The following TTC27 variants were observed in gnomAD, a reference collection of about 807,000 sequenced individuals.
The protein encoded by TTC27 is tetratricopeptide repeat protein 27.
TTC27 carries 79 observed loss-of-function variants against 115.9 expected under a neutral mutation model. The observed-to-expected ratio is 0.68, with a 90% CI of 0.57 to 0.82. The LOEUF (loss-of-function observed/expected upper bound fraction) is 0.82. TTC27 is among the 40% of genes least tolerant of loss of function. The pLI, the probability that TTC27 is intolerant of heterozygous loss-of-function variation, is 0.00. For synonymous variants in TTC27, 401 were observed against 356.0 expected, an observed-to-expected ratio of 1.13 and a Z score of -1.42; for missense variants, 1,054 against 993.1, an observed-to-expected ratio of 1.06 and a Z score of -0.82.
At chr2:32,685,089 G>A (rs1282096282) in intron 9 of TTC27, among the ~76,000 whole-genome samples, 3 of 144,726 alleles carry the variant, frequency 2.1e-5, no homozygotes, top group South Asian at 4.3e-4. Flanking sequence ...GGAGTGCAAT[G>A]GCGCAATCTT....
chr2:32,766,773 A>AT, intron 13 of TTC27, among the ~76,000 whole-genome samples: 1 of 152,182 alleles, frequency 6.6e-6, no homozygotes, highest in East Asian at 1.9e-4. Flanking sequence ...ACTTCACCTC[A>AT]TATTGCTTTA....
Position 32,736,706 on chromosome 2 carries a change from A to G in TTC27, c.1342A>G (p.Ser448Gly). ...PHWAIQRQLA[S>G]LLFELGCTSS... Reference sequence around the variant, plus strand: ...TTGATTTTTCTAGCGCCAACTTGCAAGTTTGCTCTTTGAGTTGGGATGTAC... The same window carrying G: ...TTGATTTTTCTAGCGCCAACTTGCAGGTTTGCTCTTTGAGTTGGGATGTAC... The change falls in exon 12 of 20, where the codon AGT (serine) becomes GGT (glycine). Residue 448 changes from serine (S) to glycine (G), a missense_variant. Ser to Gly is a moderately conservative substitution (Grantham distance 56, BLOSUM62 0). Transcript: ENST00000317907. The G allele has an allele frequency of 6.2e-7, 1 of 1,613,824 alleles. No homozygotes were observed. The highest frequency in any genetic ancestry group is 8.5e-7 in the Non-Finnish European group (1 of 1,179,836).
Position 32,733,971 on chromosome 2 carries a change from A to G in TTC27, c.1329+48A>G. 2.4e-6 allele frequency: 3 copies of G among 1,248,364 alleles called. No homozygotes were observed. In the South Asian group the frequency reaches 3.8e-5, roughly 16 times the overall value. The allele number at this position is 1,248,364 out of a possible 1,614,324, so 77.3% of individuals were successfully genotyped here. A position where few individuals can be genotyped will look rare whatever the true frequency, so the allele number is the denominator to read the frequency against. ...GGTATGGAAATTACTTGGCATTAGA[A>G]AGGTAAATGCATTATAAATTGATGA... On this transcript the variant is annotated intron_variant, in intron 11 of 19. Coordinates refer to ENST00000317907, the MANE Select transcript of TTC27 (RefSeq NM_017735.5).
At chr2:32,795,456 G>A (rs140894213) in intron 16 of TTC27, among the ~76,000 whole-genome samples, 11 of 151,912 alleles carry the variant, frequency 7.2e-5, no homozygotes, top group Non-Finnish European at 1.5e-4. Context: ...AAGCAGCCTC[G>A]ACATAATAAA....
intron 14 of TTC27, among the ~76,000 whole-genome samples, chr2:32,781,798 A>G (rs905524464): frequency 2.0e-5 from 3 of 152,322 alleles, no homozygotes; most frequent in South Asian, 4.1e-4. Flanking sequence ...ATTTAATGCC[A>G]TGGGCAATCA....
At chr2:32,649,981 A>T in intron 4 of TTC27, 150 bp from the exon 5 acceptor site, 1 of 604,808 alleles carries the variant, frequency 1.7e-6, no homozygotes, top group South Asian at 2.2e-5. Flanking sequence ...GGGTTTTGGT[A>T]TTATTACTGA....
chr2:32,771,290 C>T (rs1021207903), intron 13 of TTC27, among the ~76,000 whole-genome samples: 5 of 152,206 alleles, frequency 3.3e-5, no homozygotes, highest in Admixed American at 6.5e-5. Context: ...ATAGATGTTA[C>T]GTAGTCGTTC....
intron 10 of TTC27, among the ~76,000 whole-genome samples, chr2:32,724,916 C>T (rs1312087531): frequency 6.6e-6 from 1 of 152,176 alleles, no homozygotes; most frequent in African/African-American, 2.4e-5. Context: ...CCAAGGAGGC[C>T]TCACAATCAT....
chr2:32,807,365 C>T (rs1671165978), intron 16 of TTC27, among the ~76,000 whole-genome samples: 1 of 152,124 alleles, frequency 6.6e-6, no homozygotes, highest in Admixed American at 6.6e-5. Context: ...AACCCTTTAG[C>T]GTCTCTTCTG....
chr2:32,802,407 T>C (rs1670980330), intron 16 of TTC27, among the ~76,000 whole-genome samples: 2 of 152,228 alleles, frequency 1.3e-5, no homozygotes, highest in South Asian at 4.1e-4. Context: ...TTTTAAAACT[T>C]CCTTTTCTCC....
chr2:32,796,332 C>A (rs1040755601), intron 16 of TTC27, among the ~76,000 whole-genome samples: 3 of 152,116 alleles, frequency 2.0e-5, no homozygotes, highest in Admixed American at 6.5e-5. Flanking sequence ...ATCTCATGTT[C>A]ATGGATTGAA....
chr2:32,714,163 C>CT (rs1197993683), intron 10 of TTC27, among the ~76,000 whole-genome samples: 1,913 of 140,822 alleles, frequency 0.014, 105 homozygotes, highest in Admixed American at 0.11. Flanking sequence ...GCCCCCCCGC[C>CT]TTTTTTTTTT....
At chr2:32,653,169 T>C (rs1424584897) in intron 5 of TTC27, among the ~76,000 whole-genome samples, 1 of 152,236 alleles carries the variant, frequency 6.6e-6, no homozygotes, top group Non-Finnish European at 1.5e-5. Flanking sequence ...AATATTGCAC[T>C]TTAGCTGTTT....
chr2:32,709,255 T>C (rs1319513816), intron 10 of TTC27, among the ~76,000 whole-genome samples: 3 of 152,156 alleles, frequency 2.0e-5, no homozygotes. Flanking sequence ...ACTTAATGAC[T>C]CACTTCCAAA....
At chr2:32,658,287 T>A (rs1394476000) in intron 5 of TTC27, among the ~76,000 whole-genome samples, 3 of 152,130 alleles carry the variant, frequency 2.0e-5, no homozygotes, top group Admixed American at 2.0e-4. Context: ...CATGCTTGGC[T>A]AATTTATTGT....
chr2:32,628,183 T>C lies in TTC27; in HGVS notation c.-110T>C, dbSNP rs2063523660. The stretch of plus-strand genomic sequence containing the variant: ...GGGCCGCAGGTGTATTTACGGTAAC[T>C]GTCGCCACTAGATTTCAGCGCCTTT... On this transcript the variant is annotated 5_prime_UTR_variant, in exon 1 of 20. Coordinates refer to ENST00000317907, the MANE Select transcript of TTC27 (RefSeq NM_017735.5). 5.1e-6 allele frequency: 5 copies of C among 982,508 alleles called. No individual in the cohort carries two copies. The highest frequency in any genetic ancestry group is 1.6e-5 in the African/African-American group (1 of 61,074). The allele number at this position is 982,508 out of a possible 1,614,324, so 60.9% of individuals were successfully genotyped here.
At chr2:32,708,076 T>G (rs1667439027) in intron 10 of TTC27, among the ~76,000 whole-genome samples, 1 of 152,124 alleles carries the variant, frequency 6.6e-6, no homozygotes, top group South Asian at 2.1e-4. Flanking sequence ...CAGTTGACCC[T>G]TGAACAACAC....
chr2:32,653,035 C>G (rs1200119398), intron 5 of TTC27, among the ~76,000 whole-genome samples: 1 of 152,136 alleles, frequency 6.6e-6, no homozygotes, highest in Non-Finnish European at 1.5e-5. Context: ...TCAGTACAAT[C>G]TAAAGCATTC....
intron 4 of TTC27, among the ~76,000 whole-genome samples, chr2:32,641,306 G>A (rs1252817610): frequency 6.6e-6 from 1 of 152,154 alleles, no homozygotes; most frequent in East Asian, 1.9e-4. Context: ...TCTGTGTTGC[G>A]CTATTCAACT....
Sources: gnomAD v4.1 joint callset for allele counts (sites outside exome capture counted in the v4.1 genomes callset) on GRCh38, gnomAD v4.1.1 for gene constraint, MANE v1.5 for transcripts, NCBI Gene and HGNC (gene_info 2026-07-23, HGNC 2026-07-21) for gene names.